The following LRRN1 variants were observed in gnomAD, a reference collection of about 807,000 sequenced individuals.
LRRN1 encodes the protein leucine-rich repeat neuronal protein 1.
LRRN1 carries 14 observed loss-of-function variants against 45.8 expected under a neutral mutation model. The observed-to-expected ratio is 0.31, with a 90% confidence interval of 0.20 to 0.48. LRRN1 has a LOEUF of 0.48. Ranked by LOEUF, LRRN1 falls within the 20% of genes least tolerant of loss-of-function variation. LRRN1 has a pLI of 0.99. For missense variants in LRRN1, 789 were observed against 874.2 expected (o/e 0.90, Z 1.23); for synonymous variants, 359 against 330.1 (o/e 1.09, Z -0.95).
chr3:3,821,780 GTA>G (rs1328542296), intron 1 of LRRN1, among the ~76,000 whole-genome samples: 3 of 152,172 alleles, frequency 2.0e-5, no homozygotes, highest in Non-Finnish European at 4.4e-5. Flanking sequence ...AGAGCTGTGA[GTA>G]TTTGCAAGCC....
chr3:3,846,070 A>G lies in LRRN1; in HGVS notation c.1429A>G (p.Lys477Glu), dbSNP rs1416270355. Residue 477 changes from lysine to glutamate, a missense_variant, in exon 2 of 2, where the codon AAG becomes GAG. Transcript: ENST00000319331. This position sits in a 1 kb window ranked among gnomAD's most constrained non-coding sequence, Gnocchi z 5.7. The part of the protein sequence containing the change: ...ITVETLSDKY[K>E]LSSEGTLEIS... ...TGTGGAAACCCTTTCAGATAAATAC[A>G]AGCTAAGTAGCGAAGGTACCTTGGA... 3 of 1,614,144 alleles carry G rather than the reference A, an allele frequency of 1.9e-6. No homozygotes were observed. Among genetic ancestry groups the G allele is most frequent in the Non-Finnish European group, 2.5e-6 (3 of 1,180,002 alleles).
chr3:3,818,179 A>G (rs1310149549), intron 1 of LRRN1, among the ~76,000 whole-genome samples: 6 of 152,254 alleles, frequency 3.9e-5, no homozygotes, highest in Non-Finnish European at 1.5e-5. Context: ...AACAGAAGTA[A>G]TGCAACTGGG....
chr3:3,841,851 A>C lies in LRRN1; in HGVS notation c.-278-2513A>C, dbSNP rs181689089. On this transcript the variant is annotated intron_variant, in intron 1 of 1. Coordinates refer to ENST00000319331, the MANE Select transcript of LRRN1 (RefSeq NM_020873.7). ...TTCATTTCATAGAATTTCCAGATAAAAGTCAGAGTCAACTAGTTTTATAAT... is the reference window on the plus strand; with the variant it reads ...TTCATTTCATAGAATTTCCAGATAACAGTCAGAGTCAACTAGTTTTATAAT... Among the ~76,000 whole-genome samples the C allele has an allele frequency of 7.6e-4, 116 of 152,256 alleles. No individual in the cohort carries two copies. In the Middle Eastern group the frequency reaches 0.01, roughly 13 times the overall value.
intron 1 of LRRN1, among the ~76,000 whole-genome samples, chr3:3,842,141 G>T (rs755523392): frequency 6.6e-6 from 1 of 152,098 alleles, no homozygotes; most frequent in African/African-American, 2.4e-5. Context: ...AAACATAAGG[G>T]TATAGTAAAA....
chr3:3,837,426 C>T (rs1048135712), intron 1 of LRRN1, among the ~76,000 whole-genome samples: 14 of 152,040 alleles, frequency 9.2e-5, no homozygotes. Flanking sequence ...CCTTGGGTTC[C>T]TCAGTTTTGT....
intron 1 of LRRN1, among the ~76,000 whole-genome samples, chr3:3,802,010 CCTGAGAATGTCCACTGTCTAG>C (rs1160885191): frequency 6.6e-5 from 10 of 152,292 alleles, no homozygotes; most frequent in South Asian, 2.1e-4. Flanking sequence ...ATGAAGATTT[CCTGAGAATGTCCACTGTCTAG>C]CTGAGAATGT....
intron 1 of LRRN1, among the ~76,000 whole-genome samples, chr3:3,818,882 T>A (rs576824705): frequency 5.3e-5 from 8 of 152,078 alleles, no homozygotes; most frequent in South Asian, 2.1e-4. Flanking sequence ...GTAGTAAGAG[T>A]ACAATGGGGA....
rs1192363134 is a variant in LRRN1 at position 3,816,706 on chromosome 3, A to G, written c.-279+16787A>G. Among the ~76,000 whole-genome samples, 8 of 152,344 alleles carry G rather than the reference A, an allele frequency of 5.3e-5. No individual in the cohort carries two copies. Among genetic ancestry groups the G allele is most frequent in the South Asian group, 2.1e-4 (1 of 4,834 alleles). Reference sequence around the variant, plus strand: ...GTCAAACAGAAAATTAAATTTGCACATTCCCTGAGCCTAATGCTCTAGTTA... The same window carrying G: ...GTCAAACAGAAAATTAAATTTGCACGTTCCCTGAGCCTAATGCTCTAGTTA... On this transcript the variant is annotated intron_variant, in intron 1 of 1. Coordinates refer to ENST00000319331, the MANE Select transcript of LRRN1 (RefSeq NM_020873.7). The surrounding 1 kb of genome is among the most constrained non-coding windows in gnomAD (Gnocchi z 4.0).
Position 3,834,621 on chromosome 3 carries a change from G to A in LRRN1, c.-278-9743G>A, listed in dbSNP as rs1197390531. ...ACATTATATATATAATATATGTAAA[G>A]GAGAGTTTATTAAGTATTAACATGC... On this transcript the variant is annotated intron_variant, in intron 1 of 1. Coordinates refer to ENST00000319331, the MANE Select transcript of LRRN1 (RefSeq NM_020873.7). 2.9e-5 allele frequency among the ~76,000 whole-genome samples: 4 copies of A among 136,406 alleles called. No individual in the cohort carries two copies. The East Asian group carries it at 8.4e-4, about 29-fold the overall frequency. The allele number at this position is 136,406 out of a possible 152,430, so 89.5% of individuals were successfully genotyped here. A position where few individuals can be genotyped will look rare whatever the true frequency, so the allele number is the denominator to read the frequency against.
At chr3:3,843,439 T>G (rs1028606936) in intron 1 of LRRN1, among the ~76,000 whole-genome samples, 7 of 151,228 alleles carry the variant, frequency 4.6e-5, no homozygotes, top group Admixed American at 1.3e-4. Flanking sequence ...TTAGTTAAGT[T>G]AAATGTAATA....
intron 1 of LRRN1, among the ~76,000 whole-genome samples, chr3:3,843,718 A>T (rs1369974813): frequency 6.6e-6 from 1 of 152,182 alleles, no homozygotes; most frequent in African/African-American, 2.4e-5. Flanking sequence ...TGATATTTTC[A>T]TCCATGTTGT....
intron 1 of LRRN1, among the ~76,000 whole-genome samples, chr3:3,802,486 A>C (rs1460708185): frequency 6.6e-6 from 1 of 152,110 alleles, no homozygotes; most frequent in Non-Finnish European, 1.5e-5. Flanking sequence ...AAAAAAGACA[A>C]CATTGTTTTG....
chr3:3,843,709 G>T (rs1693695199), intron 1 of LRRN1, among the ~76,000 whole-genome samples: 1 of 152,026 alleles, frequency 6.6e-6, no homozygotes, highest in Non-Finnish European at 1.5e-5. Flanking sequence ...GCATGTTTTT[G>T]ATATTTTCAT....
chr3:3,834,902 A>C (rs1693473118), intron 1 of LRRN1, among the ~76,000 whole-genome samples: 1 of 152,190 alleles, frequency 6.6e-6, no homozygotes, highest in African/African-American at 2.4e-5. Flanking sequence ...CACTGACTCA[A>C]ATGTTAATTT....
Position 3,846,053 on chromosome 3 carries a change from C to A in LRRN1, c.1412C>A (p.Thr471Asn), listed in dbSNP as rs1241008340. 2 of 1,613,926 alleles carry A rather than the reference C, an allele frequency of 1.2e-6. No individual in the cohort carries two copies. The highest frequency in any genetic ancestry group is 2.7e-5 in the African/African-American group (2 of 74,894). The change falls in exon 2 of 2, where the codon ACC becomes AAC. Residue 471 changes from threonine (T) to asparagine (N), a missense_variant. Transcript: ENST00000319331. The surrounding 1 kb of genome is among the most constrained non-coding windows in gnomAD (Gnocchi z 5.7). ...ATTGGAAATAAGATAACTGTGGAAA[C>A]CCTTTCAGATAAATACAAGCTAAGT... Reference protein sequence around the residue: ...TPIGNKITVETLSDKYKLSSE... With the variant: ...TPIGNKITVENLSDKYKLSSE...
At chr3:3,834,240 T>G (rs1259864772) in intron 1 of LRRN1, among the ~76,000 whole-genome samples, 1 of 151,952 alleles carries the variant, frequency 6.6e-6, no homozygotes, top group Admixed American at 6.6e-5. Context: ...TCAAAGGCAT[T>G]ATGTATAGAG....
At chr3:3,824,005 C>T (rs559077728) in intron 1 of LRRN1, among the ~76,000 whole-genome samples, 1 of 152,264 alleles carries the variant, frequency 6.6e-6, no homozygotes, top group East Asian at 1.9e-4. Flanking sequence ...GGTAAGGACT[C>T]AGGTCCCCTA....
intron 1 of LRRN1, among the ~76,000 whole-genome samples, chr3:3,811,095 A>G (rs183589496): frequency 2.7e-3 from 412 of 152,268 alleles, no homozygotes; most frequent in Non-Finnish European, 4.2e-3. Context: ...GCCAATAAAT[A>G]GAGTTTTCTA....
In LRRN1 at chr3:3,844,624, C is replaced by A; in HGVS notation, c.-18C>A. 1 of 1,593,240 alleles carries A rather than the reference C, an allele frequency of 6.3e-7. No homozygotes were observed. The highest frequency in any genetic ancestry group is 8.6e-7 in the Non-Finnish European group (1 of 1,167,650). On this transcript the variant is annotated 5_prime_UTR_variant, in exon 2 of 2. Transcript: ENST00000319331. The stretch of plus-strand genomic sequence containing the variant: ...AAACTTTGGGGTGTCAGGAGTTGAG[C>A]TTGCTCAGCAAGCCAGCATGGCTAG...
Sources: gnomAD v4.1 joint callset for allele counts (sites outside exome capture counted in the v4.1 genomes callset) on GRCh38, gnomAD v4.1.1 for gene constraint, Gnocchi (gnomAD v3.1) non-coding constraint, MANE v1.5 for transcripts, NCBI Gene and HGNC (gene_info 2026-07-23, HGNC 2026-07-21) for gene names.